RASSF9: variants seen among roughly 807,000 people sequenced by gnomAD.
The protein encoded by RASSF9 is ras association domain-containing protein 9.
In RASSF9, 18 loss-of-function variants were observed where a neutral mutation model predicts 21.4. That is an observed-to-expected ratio of 0.84 (90% CI 0.58 to 1.25). The LOEUF is 1.25. Among genes scored for constraint, RASSF9 ranks in the 50% most tolerant of loss-of-function variants. The pLI, the probability that RASSF9 is intolerant of heterozygous loss-of-function variation, is 0.00. For missense variants in RASSF9, 480 were observed against 503.2 expected (o/e 0.95, Z 0.44); for synonymous variants, 183 against 179.1 (o/e 1.02, Z -0.18).
intron 1 of RASSF9, among the ~76,000 whole-genome samples, chr12:85,834,817 G>A (rs1379920582): frequency 2.0e-5 from 3 of 151,844 alleles, no homozygotes; most frequent in Non-Finnish European, 4.4e-5. Flanking sequence ...AGGCTTTTCT[G>A]GAATATTCTA....
intron 1 of RASSF9, among the ~76,000 whole-genome samples, chr12:85,820,281 A>C (rs1880178312): frequency 6.6e-6 from 1 of 152,152 alleles, no homozygotes; most frequent in Non-Finnish European, 1.5e-5. Context: ...GCAATGATGG[A>C]GTTGAGCATC....
At position 85,805,284 on chromosome 12, in the gene RASSF9, T is replaced by C. The variant is rs755320385; in HGVS notation, c.726A>G (p.Glu242=). 1.9e-6 allele frequency: 3 copies of C among 1,613,610 alleles called. No homozygotes were observed. Among genetic ancestry groups the C allele is most frequent in the Non-Finnish European group, 1.7e-6 (2 of 1,179,876 alleles). The change falls in exon 2 of 2, where the codon GAA becomes GAG. Residue 242 remains glutamate (E), a synonymous_variant. Transcript: ENST00000361228. ...QDAYLMPSFS[E]VEQNLDLQYE... ...ACTGCAAGTCTAGATTTTGCTCAAC[T>C]TCACTGAAACTGGGCATTAAATATG...
chr12:85,824,210 T>G (rs1161318759), intron 1 of RASSF9, among the ~76,000 whole-genome samples: 1 of 152,210 alleles, frequency 6.6e-6, no homozygotes, highest in African/African-American at 2.4e-5. Context: ...AATATCAAAC[T>G]ATTCCATTGC....
intron 1 of RASSF9, among the ~76,000 whole-genome samples, chr12:85,808,185 G>C (rs1169410647): frequency 1.3e-5 from 2 of 151,832 alleles, no homozygotes; most frequent in African/African-American, 4.8e-5. Context: ...CTTATACTTT[G>C]GTTATTGACT....
intron 1 of RASSF9, among the ~76,000 whole-genome samples, chr12:85,808,978 T>C (rs1241903526): frequency 6.6e-6 from 1 of 152,132 alleles, no homozygotes; most frequent in Non-Finnish European, 1.5e-5. Context: ...AGATAGTAAC[T>C]ATCAATCATA....
At chr12:85,826,174 T>C (rs1164872051) in intron 1 of RASSF9, among the ~76,000 whole-genome samples, 2 of 152,174 alleles carry the variant, frequency 1.3e-5, no homozygotes, top group Non-Finnish European at 2.9e-5. Context: ...TTCTTCACTC[T>C]TCACCCTGAT....
chr12:85,805,542 T>G lies in RASSF9; in HGVS notation c.468A>C (p.Lys156Asn), dbSNP rs1292250695. ...AAGTTTTCCTGACTATTCTTTTTTG[T>G]TTATCTGGTGGTAAAGTCTTCATGT... ...ANYMKTLPPD[K>N]QKRIVRKTFR... Residue 156 changes from lysine (K) to asparagine (N), a missense_variant, in exon 2 of 2, where the codon AAA becomes AAC. Physicochemically the swap from Lys to Asn is moderately conservative, Grantham distance 94. Coordinates refer to ENST00000361228, the MANE Select transcript of RASSF9 (RefSeq NM_005447.4). 6.2e-7 allele frequency: 1 copy of G among 1,613,928 alleles called. No homozygotes were observed. Among genetic ancestry groups the G allele is most frequent in the Non-Finnish European group, 8.5e-7 (1 of 1,179,890 alleles).
Position 85,805,141 on chromosome 12 carries a change from T to C in RASSF9, c.869A>G (p.Glu290Gly). Residue 290 changes from glutamate (E) to glycine (G), a missense_variant, in exon 2 of 2, where the codon GAG becomes GGG. Transcript: ENST00000361228. ...IDKLSAEIEK[E>G]VKSVCIDINE... ...TATATCAATGCAAACACTTTTTACC[T>C]CTTTTTCTATTTCAGCAGAGAGCTT... 1 of 1,613,938 alleles carries C rather than the reference T, an allele frequency of 6.2e-7. No homozygotes were observed.
chr12:85,814,833 A>G (rs1414675982), intron 1 of RASSF9, among the ~76,000 whole-genome samples: 7 of 152,060 alleles, frequency 4.6e-5, no homozygotes, highest in Admixed American at 3.9e-4. Flanking sequence ...TTCTTGATTA[A>G]GAAATTGTAT....
In RASSF9 at chr12:85,800,734, A is replaced by T. The variant is rs1182439653; in HGVS notation, c.*3968T>A. 1 of 151,878 alleles carries T rather than the reference A, an allele frequency of 6.6e-6. No individual in the cohort carries two copies. The allele number at this position is 151,878 out of a possible 1,614,324, so 9.4% of individuals were successfully genotyped here. The stretch of plus-strand genomic sequence containing the variant: ...ATAATTATTTCTTTTATTATTTTGG[A>T]TCAGTTACAACATGATAAAATGATA... On this transcript the variant is annotated 3_prime_UTR_variant, in exon 2 of 2. Transcript: ENST00000361228.
intron 1 of RASSF9, among the ~76,000 whole-genome samples, chr12:85,815,183 A>T (rs879841413): frequency 1.5e-4 from 23 of 152,086 alleles, no homozygotes; most frequent in African/African-American, 5.6e-4. Context: ...GAGAAAAAAA[A>T]ACCAAAAACC....
At chr12:85,815,485 T>A (rs1457140068) in intron 1 of RASSF9, among the ~76,000 whole-genome samples, 1 of 152,058 alleles carries the variant, frequency 6.6e-6, no homozygotes, top group Non-Finnish European at 1.5e-5. Flanking sequence ...TCTAATGGGA[T>A]TTCTGAATTT....
chr12:85,832,867 G>A (rs747909087), intron 1 of RASSF9, among the ~76,000 whole-genome samples: 5 of 151,756 alleles, frequency 3.3e-5, no homozygotes, highest in South Asian at 2.1e-4. Context: ...TCTTAAAACC[G>A]AAGTCTTCCA....
Position 85,808,219 on chromosome 12 carries a change from C to T in RASSF9, c.48-2257G>A, listed in dbSNP as rs114244583. 1.7e-3 allele frequency among the ~76,000 whole-genome samples: 259 copies of T among 152,044 alleles called. 2 individuals carry two copies. The highest frequency in any genetic ancestry group is 5.5e-3 in the African/African-American group (227 of 41,514). On this transcript the variant is annotated intron_variant, in intron 1 of 1. Coordinates refer to ENST00000361228, the MANE Select transcript of RASSF9 (RefSeq NM_005447.4). Reference sequence around the variant, plus strand: ...CTCACATGAAGTAAAAAAGTTATTACTAAAGGTGAAAGATACATCAGGGAT... The same window carrying T: ...CTCACATGAAGTAAAAAAGTTATTATTAAAGGTGAAAGATACATCAGGGAT...
chr12:85,800,853 A>C lies in RASSF9; in HGVS notation c.*3849T>G, dbSNP rs1879683645. On this transcript the variant is annotated 3_prime_UTR_variant, in exon 2 of 2. Transcript: ENST00000361228. ...TTTAAAAACTATATATCAGGATAAA[A>C]TGTATTTCTTTGTCACTAGAAAAAT... 1 of 151,886 alleles carries C rather than the reference A, an allele frequency of 6.6e-6. No homozygotes were observed. Among genetic ancestry groups the C allele is most frequent in the African/African-American group, 2.4e-5 (1 of 41,430 alleles). 9.4% of individuals were successfully genotyped at this position (151,886 alleles called of 1,614,324 possible).
At chr12:85,817,250 A>G (rs1880092756) in intron 1 of RASSF9, among the ~76,000 whole-genome samples, 1 of 152,104 alleles carries the variant, frequency 6.6e-6, no homozygotes, top group Non-Finnish European at 1.5e-5. Context: ...GATGCCATGA[A>G]TAATCCATTT....
At chr12:85,829,575 G>A (rs1378373885) in intron 1 of RASSF9, among the ~76,000 whole-genome samples, 1 of 152,060 alleles carries the variant, frequency 6.6e-6, no homozygotes, top group Admixed American at 6.6e-5. Context: ...ATGTGAGTCA[G>A]TCTTAGCCCT....
chr12:85,815,851 T>C (rs913305287), intron 1 of RASSF9, among the ~76,000 whole-genome samples: 25 of 152,130 alleles, frequency 1.6e-4, no homozygotes, highest in African/African-American at 6.0e-4. Context: ...TAAAAATGCA[T>C]GTACATACGC....
In RASSF9 at chr12:85,804,611, A is replaced by AT. The variant is rs529521017; in HGVS notation, c.*90dup. On this transcript the variant is annotated 3_prime_UTR_variant, in exon 2 of 2. Coordinates refer to ENST00000361228, the MANE Select transcript of RASSF9 (RefSeq NM_005447.4). ...TATTGAATACTACAATATGATTTAC[A>AT]TTTTTTTGAGTGTTATATTTAAAAT... 8 of 1,277,472 alleles carry AT rather than the reference A, an allele frequency of 6.3e-6. No homozygotes were observed. The highest frequency in any genetic ancestry group is 1.7e-5 in the South Asian group (1 of 57,826). 79.1% of individuals were successfully genotyped at this position (1,277,472 alleles called of 1,614,324 possible). A position where few individuals can be genotyped will look rare whatever the true frequency, so the allele number is the denominator to read the frequency against.
Sources: gnomAD v4.1 joint callset for allele counts (sites outside exome capture counted in the v4.1 genomes callset) on GRCh38, gnomAD v4.1.1 for gene constraint, MANE v1.5 for transcripts, NCBI Gene and HGNC (gene_info 2026-07-23, HGNC 2026-07-21) for gene names.